Variants in FNDC3B observed in about 807,000 individuals in gnomAD.
FNDC3B encodes fibronectin type III domain containing 3B.
Under a neutral mutation model 151.5 loss-of-function variants are expected in FNDC3B, and 12 were observed. That is an observed-to-expected ratio of 0.08 (90% confidence interval 0.05 to 0.13). The LOEUF is 0.13. Ranked by LOEUF, FNDC3B falls within the 10% of genes least tolerant of loss-of-function variation. The pLI, the probability that FNDC3B is intolerant of heterozygous loss-of-function variation, is 1.00. For synonymous variants in FNDC3B, 528 were observed against 549.0 expected, an observed-to-expected ratio of 0.96 and a Z score of 0.54; for missense variants, 1,214 against 1,505.3, an observed-to-expected ratio of 0.81 and a Z score of 3.20.
At chr3:172,148,152 CATA>C (rs1276758652) in intron 3 of FNDC3B, among the ~76,000 whole-genome samples, 2 of 151,902 alleles carry the variant, frequency 1.3e-5, no homozygotes, top group Non-Finnish European at 2.9e-5. Flanking sequence ...TCAGTTTCCC[CATA>C]ATAAGAATAA....
chr3:172,231,340 G>A lies in FNDC3B; in HGVS notation c.264+4393G>A, dbSNP rs139003175. Among the ~76,000 whole-genome samples the A allele has an allele frequency of 2.8e-3, 433 of 152,268 alleles. 4 individuals carry two copies. The highest frequency in any genetic ancestry group is 0.01 in the African/African-American group (420 of 41,556). Reference sequence around the variant, plus strand: ...GGGTATGCTGTTTCTTTGCGGAGACGAAAATGTTCTGGAAGTAGATAGTGG... The same window carrying A: ...GGGTATGCTGTTTCTTTGCGGAGACAAAAATGTTCTGGAAGTAGATAGTGG... On this transcript the variant is annotated intron_variant, in intron 4 of 25. Coordinates refer to ENST00000415807, the MANE Select transcript of FNDC3B (RefSeq NM_022763.4).
intron 14 of FNDC3B, among the ~76,000 whole-genome samples, chr3:172,334,129 G>A (rs1390600404): frequency 6.6e-6 from 1 of 152,168 alleles, no homozygotes; most frequent in Admixed American, 6.5e-5. Context: ...TTGGCACATA[G>A]CAATCACTCA....
At chr3:172,156,897 T>C (rs181960884) in intron 3 of FNDC3B, among the ~76,000 whole-genome samples, 500 of 152,312 alleles carry the variant, frequency 3.3e-3, no homozygotes, top group Non-Finnish European at 4.6e-3. Flanking sequence ...GAAGTTTACT[T>C]GTCCTCAATA....
chr3:172,288,450 A>T (rs1730136421), intron 7 of FNDC3B, among the ~76,000 whole-genome samples: 1 of 152,230 alleles, frequency 6.6e-6, no homozygotes, highest in Non-Finnish European at 1.5e-5. Flanking sequence ...TGAATGAGAA[A>T]TTCAGTCAAA....
chr3:172,133,664 T>C, intron 3 of FNDC3B, 118 bp downstream of exon 3: 1 of 807,268 alleles, frequency 1.2e-6, no homozygotes, highest in Non-Finnish European at 2.2e-6. Context: ...ATCTTGGATA[T>C]TCATTTTCTT....
At chr3:172,366,035 T>A (rs572926697) in intron 23 of FNDC3B, among the ~76,000 whole-genome samples, 1 of 152,194 alleles carries the variant, frequency 6.6e-6, no homozygotes, top group Non-Finnish European at 1.5e-5. Flanking sequence ...AAGGTGTCCC[T>A]TGTAAATGAT....
intron 1 of FNDC3B, among the ~76,000 whole-genome samples, chr3:172,102,599 A>C (rs76373984): frequency 0.04 from 6,113 of 152,280 alleles, 402 homozygotes; most frequent in African/African-American, 0.14. Flanking sequence ...AGACACAGAG[A>C]GCTTACATAG....
At chr3:172,126,707 T>C (rs927335621) in intron 2 of FNDC3B, among the ~76,000 whole-genome samples, 1 of 152,200 alleles carries the variant, frequency 6.6e-6, no homozygotes, top group Non-Finnish European at 1.5e-5. Context: ...TAATTCTTCC[T>C]GTGTGCTTTG....
At chr3:172,053,170 G>A (rs1328878269) in intron 1 of FNDC3B, among the ~76,000 whole-genome samples, 1 of 152,100 alleles carries the variant, frequency 6.6e-6, no homozygotes, top group Non-Finnish European at 1.5e-5. Flanking sequence ...AAGATATTCT[G>A]TTTTTCTGTA....
At chr3:172,257,358 T>C (rs945921272) in intron 6 of FNDC3B, among the ~76,000 whole-genome samples, 1 of 152,184 alleles carries the variant, frequency 6.6e-6, no homozygotes, top group Admixed American at 6.5e-5. Flanking sequence ...TTGTAAGATT[T>C]TAAATAATCG....
chr3:172,222,351 T>G lies in FNDC3B; in HGVS notation c.188-4520T>G, dbSNP rs561743546. Reference sequence around the variant, plus strand: ...TTCTAAGACTTGTTTAAATGATGATTTGTACCCTGGATTCCCAGTTTCCAC... The same window carrying G: ...TTCTAAGACTTGTTTAAATGATGATGTGTACCCTGGATTCCCAGTTTCCAC... On this transcript the variant is annotated intron_variant, in intron 3 of 25. Coordinates refer to ENST00000415807, the MANE Select transcript of FNDC3B (RefSeq NM_022763.4). Among the ~76,000 whole-genome samples the G allele has an allele frequency of 1.2e-4, 18 of 152,324 alleles. No homozygotes were observed. The South Asian group carries it at 3.7e-3, about 32-fold the overall frequency.
chr3:172,365,216 T>C (rs911682856), intron 23 of FNDC3B, among the ~76,000 whole-genome samples: 3 of 152,224 alleles, frequency 2.0e-5, no homozygotes, highest in African/African-American at 7.2e-5. Flanking sequence ...GGACCTGGCT[T>C]CTGCAGTTGA....
intron 3 of FNDC3B, among the ~76,000 whole-genome samples, chr3:172,208,738 A>AGCTT (rs61314058): frequency 0.89 from 135,471 of 151,928 alleles, 60,695 homozygotes; most frequent in African/African-American, 0.95. Flanking sequence ...TGGATCAGGC[A>AGCTT]GCACCACCGG....
rs146870356 is a variant in FNDC3B, at chr3:172,183,759, T to A, written c.188-43112T>A. Among the ~76,000 whole-genome samples, 446 of 152,314 alleles carry A rather than the reference T, an allele frequency of 2.9e-3. 5 individuals are homozygous for A. Among genetic ancestry groups the A allele is most frequent in the African/African-American group, 0.01 (429 of 41,550 alleles). On this transcript the variant is annotated intron_variant, in intron 3 of 25. Transcript: ENST00000415807. ...TGTAGGCGGGATGTGTTTTCTTCCT[T>A]TCTCACGTAGCTTCCCTTCCACTCT...
intron 11 of FNDC3B, chr3:172,317,092 G>A (rs1232782323): frequency 6.9e-6 from 3 of 434,426 alleles, no homozygotes; most frequent in Non-Finnish European, 9.1e-6. Flanking sequence ...GCATTTGTGA[G>A]GATAGAGCCC....
At chr3:172,273,521 G>T (rs1159980455) in intron 6 of FNDC3B, among the ~76,000 whole-genome samples, 1 of 152,142 alleles carries the variant, frequency 6.6e-6, no homozygotes. Context: ...GCAACTGTTT[G>T]CCCCCTCAGA....
chr3:172,218,809 C>T (rs1178566726), intron 3 of FNDC3B, among the ~76,000 whole-genome samples: 2 of 152,188 alleles, frequency 1.3e-5, no homozygotes, highest in Non-Finnish European at 2.9e-5. Context: ...TCCTCTCTGG[C>T]TGGATGCCTT....
rs768463115 is a variant in FNDC3B, at chr3:172,307,426, C to T, written c.1125C>T (p.His375=). Residue 375 remains histidine (H), a synonymous_variant, in exon 10 of 26, where the codon CAC becomes CAT. Transcript: ENST00000415807. ...SCSEPVSFTT[H]SCAPECPFPP... Reference sequence around the variant, plus strand: ...CCGAGCCTGTTAGCTTCACCACCCACAGCTGTGCACCCGAGTGTCCTTTCC... The same window carrying T: ...CCGAGCCTGTTAGCTTCACCACCCATAGCTGTGCACCCGAGTGTCCTTTCC... 1.1e-5 allele frequency: 17 copies of T among 1,614,140 alleles called. No individual in the cohort carries two copies. The Admixed American group carries it at 2.3e-4, about 22-fold the overall frequency.
At chr3:172,139,870 G>A (rs1328150845) in intron 3 of FNDC3B, among the ~76,000 whole-genome samples, 1 of 151,770 alleles carries the variant, frequency 6.6e-6, no homozygotes, top group African/African-American at 2.4e-5. Context: ...ATCATAGCTC[G>A]TTGCAGCCTT....
Sources: gnomAD v4.1 joint callset for allele counts (sites outside exome capture counted in the v4.1 genomes callset) on GRCh38, gnomAD v4.1.1 for gene constraint, MANE v1.5 for transcripts, NCBI Gene and HGNC (gene_info 2026-07-23, HGNC 2026-07-21) for gene names.